The following NAIP variants were observed in gnomAD, a reference collection of about 807,000 sequenced individuals.
The protein encoded by NAIP is baculoviral IAP repeat-containing protein 1.
A neutral mutation model predicts 23.0 loss-of-function variants in NAIP; 15 were observed. The ratio of observed to expected loss-of-function variants is 0.65; its 90% CI spans 0.44 to 1.00. The LOEUF (loss-of-function observed/expected upper bound fraction) is 1.00, where lower values mean the gene tolerates loss of function less well. Among genes scored for constraint, NAIP ranks in the 50% least tolerant of loss-of-function variants. NAIP has a pLI of 0.00. For missense variants in NAIP, 265 were observed against 278.8 expected (o/e 0.95, Z 0.35); for synonymous variants, 100 against 100.2 (o/e 1.00, Z 0.01).
At position 71,003,096 on chromosome 5, in the gene NAIP, C is replaced by T. The variant is rs1173729616; in HGVS notation, c.750+680G>A. ...GAAGCCTTCTCAGGGTCACTGTTTC[C>T]GGAAACTGACCTTGAAAACAGACCT... On this transcript the variant is annotated intron_variant, in intron 6 of 16. Coordinates refer to ENST00000517649, the MANE Select transcript of NAIP (RefSeq NM_004536.3). 8 of 25,330 alleles carry T rather than the reference C, an allele frequency of 3.2e-4. 1 individual carries two copies. Among genetic ancestry groups the T allele is most frequent in the Admixed American group, 1.0e-3 (2 of 1,954 alleles). 1.6% of individuals were successfully genotyped at this position (25,330 alleles called of 1,614,324 possible). A position where few individuals can be genotyped will look rare whatever the true frequency, so the allele number is the denominator to read the frequency against.
intron 5 of NAIP, among the ~76,000 whole-genome samples, chr5:71,008,762 C>G (rs1246216852): frequency 1.1e-5 from 1 of 90,120 alleles, no homozygotes; most frequent in Admixed American, 1.1e-4. Flanking sequence ...CAAGATTGCA[C>G]CGCTGCACTC....
At chr5:70,978,190 C>CAA (rs1750384348) in intron 13 of NAIP, among the ~76,000 whole-genome samples, 1 of 135,486 alleles carries the variant, frequency 7.4e-6, no homozygotes, top group African/African-American at 2.8e-5. Context: ...CTTGCTCTAT[C>CAA]ACCTAGGCTG....
chr5:71,012,521 A>G lies in NAIP; in HGVS notation c.395T>C (p.Val132Ala), dbSNP rs533952901. Residue 132 changes from valine to alanine, a missense_variant, in exon 4 of 17, where the codon GTT becomes GCT. This residue lies in a region of NAIP where 261 missense variants were observed against 259.2 expected (regional missense o/e 1.01). Coordinates refer to ENST00000517649, the MANE Select transcript of NAIP (RefSeq NM_004536.3). ...PDCGFLLNKD[V>A]GNIAKYDIRV... ...TATGTCGTACTTGGCAATGTTACCAACATCCTTGTTCAAAAGGAACCCACA... is the reference window on the plus strand; with the variant it reads ...TATGTCGTACTTGGCAATGTTACCAGCATCCTTGTTCAAAAGGAACCCACA... 30 of 1,611,758 alleles carry G rather than the reference A, an allele frequency of 1.9e-5. No individual in the cohort carries two copies. The East Asian group carries it at 6.0e-4, about 32-fold the overall frequency.
At chr5:71,009,627 T>C (rs1264404564) in intron 5 of NAIP, among the ~76,000 whole-genome samples, 1 of 151,258 alleles carries the variant, frequency 6.6e-6, no homozygotes. Flanking sequence ...GAGGTGGAGG[T>C]TGCAGTGAGC....
chr5:71,017,410 G>A (rs1580943316), intron 3 of NAIP, among the ~76,000 whole-genome samples: 2 of 112,648 alleles, frequency 1.8e-5, no homozygotes, highest in African/African-American at 5.9e-5. Context: ...CATCCTAAAG[G>A]TTTATTTGTT....
chr5:71,010,097 AATT>A (rs1436560643), intron 5 of NAIP, among the ~76,000 whole-genome samples: 36 of 151,440 alleles, frequency 2.4e-4, no homozygotes, highest in African/African-American at 7.3e-4. Flanking sequence ...CCCCTATGGA[AATT>A]ATTATTACTT....
At chr5:70,978,130 CATAT>C (rs1163436208) in intron 13 of NAIP, among the ~76,000 whole-genome samples, 619 of 35,388 alleles carry the variant, frequency 0.017, 21 homozygotes, top group African/African-American at 0.043. Flanking sequence ...CACACACACA[CATAT>C]ATATATATAT....
rs1554083615 is a variant in NAIP, at chr5:70,979,584, A to AT, written c.3442+284_3442+285insA. On this transcript the variant is annotated intron_variant, in intron 13 of 16. Transcript: ENST00000517649. ...CGGGAGACTGTCTCAAAAAAAAAAA[A>AT]AATAATAATAATAATAATAATAATA... Among the ~76,000 whole-genome samples, 16 of 42,806 alleles carry AT rather than the reference A, an allele frequency of 3.7e-4. 3 individuals are homozygous for AT. The highest frequency in any genetic ancestry group is 5.6e-4 in the Admixed American group (2 of 3,596). The allele number at this position is 42,806 out of a possible 152,430, so 28.1% of individuals were successfully genotyped here.
rs1188606851 is a variant in NAIP, at chr5:71,012,637, A to G, written c.279T>C (p.Ser93=). The change falls in exon 4 of 17, where the codon TCT becomes TCC. Residue 93 remains serine (S), a synonymous_variant. Coordinates refer to ENST00000517649, the MANE Select transcript of NAIP (RefSeq NM_004536.3). ...AAGFYFTGVK[S]GIQCFCCSLI... ...GGCTACAGCAGAAGCACTGAATCCC[A>G]GATTTTACCCCAGTGAAGTAAAACC... 6.2e-7 allele frequency: 1 copy of G among 1,612,016 alleles called. No individual in the cohort carries two copies. The highest frequency in any genetic ancestry group is 8.5e-7 in the Non-Finnish European group (1 of 1,178,502).
chr5:71,009,248 C>T (rs541502908), intron 5 of NAIP, among the ~76,000 whole-genome samples: 9 of 143,732 alleles, frequency 6.3e-5, no homozygotes, highest in Non-Finnish European at 9.1e-5. Context: ...CTACTCAGGA[C>T]GCTGAGGTGG....
intron 13 of NAIP, among the ~76,000 whole-genome samples, chr5:70,978,829 C>CCCCATGGAGTTTTGCTCTT (rs1750431373): frequency 4.1e-5 from 1 of 24,456 alleles, no homozygotes; most frequent in East Asian, 2.4e-3. Context: ...GTTTTGCTCT[C>CCCCATGGAGTTTTGCTCTT]GTTCCCCATG....
chr5:71,016,094 C>T (rs1751431564), intron 3 of NAIP, among the ~76,000 whole-genome samples: 1 of 149,686 alleles, frequency 6.7e-6, no homozygotes, highest in African/African-American at 2.5e-5. Context: ...GCCTGGGCAA[C>T]ATAGCTAGAC....
intron 3 of NAIP, among the ~76,000 whole-genome samples, chr5:71,015,357 G>A (rs1230313564): frequency 1.3e-5 from 2 of 149,402 alleles, no homozygotes; most frequent in African/African-American, 4.9e-5. Flanking sequence ...TACATTTCAT[G>A]AAATCTCTTT....
chr5:70,973,221 CAG>C (rs1750248837), intron 16 of NAIP, among the ~76,000 whole-genome samples: 1 of 124,302 alleles, frequency 8.0e-6, no homozygotes, highest in African/African-American at 3.0e-5. Flanking sequence ...CGTAAAATAA[CAG>C]TGCTGAGCAG....
rs1751151226 is a variant in NAIP, at chr5:71,011,403, C to T, written c.569-29G>A. On this transcript the variant is annotated intron_variant, in intron 4 of 16. Coordinates refer to ENST00000517649, the MANE Select transcript of NAIP (RefSeq NM_004536.3). ...TATATGAAGGAAAATATTTAGATTG[C>T]CTGGCAGTGGCACCAGGGGGTATGT... The T allele has an allele frequency of 2.0e-6, 3 of 1,527,320 alleles. 1 individual carries two copies. Among genetic ancestry groups the T allele is most frequent in the South Asian group, 2.3e-5 (2 of 85,602 alleles). 94.6% of individuals were successfully genotyped at this position (1,527,320 alleles called of 1,614,324 possible).
At chr5:71,011,398 G>A (rs1335886580) in intron 4 of NAIP, 24 bp from the exon 5 acceptor site, 1 of 1,552,872 alleles carries the variant, frequency 6.4e-7, no homozygotes, top group Non-Finnish European at 8.8e-7. Context: ...AAAATATTTA[G>A]ATTGCCTGGC....
Position 71,011,369 on chromosome 5 carries a change from G to T in NAIP, c.574C>A (p.Gln192Lys). Residue 192 changes from glutamine to lysine, a missense_variant, in exon 5 of 17, where the codon CAG becomes AAG. Around this residue, in one of 2 missense-constraint regions of NAIP, gnomAD observed 261 missense variants for 259.2 expected, o/e 1.01. Transcript: ENST00000517649. ...SEAGFVFTGK[Q>K]DTVQCFSCGG... Reference sequence around the variant, plus strand: ...CAGGAAAAACACTGTACCGTGTCCTGTTTACCTATATATGAAGGAAAATAT... The same window carrying T: ...CAGGAAAAACACTGTACCGTGTCCTTTTTACCTATATATGAAGGAAAATAT... The T allele has an allele frequency of 6.3e-7, 1 of 1,595,900 alleles. No homozygotes were observed.
At chr5:71,008,429 CTG>C (rs1750976252) in intron 5 of NAIP, among the ~76,000 whole-genome samples, 1 of 96,432 alleles carries the variant, frequency 1.0e-5, no homozygotes, top group East Asian at 3.1e-4. Flanking sequence ...ATGTAAATAA[CTG>C]TGTCCAGTTT....
At chr5:70,977,719 A>T (rs1429518497) in intron 13 of NAIP, among the ~76,000 whole-genome samples, 1 of 142,660 alleles carries the variant, frequency 7.0e-6, no homozygotes, top group African/African-American at 2.5e-5. Flanking sequence ...ACAGCTGGGC[A>T]TAGTGGCTCA....
Sources: gnomAD v4.1 joint callset for allele counts (sites outside exome capture counted in the v4.1 genomes callset) on GRCh38, gnomAD v4.1.1 for gene constraint, gnomAD v4.1.1 regional missense constraint, MANE v1.5 for transcripts, NCBI Gene and HGNC (gene_info 2026-07-23, HGNC 2026-07-21) for gene names.